Variants in DNAH2 observed in about 807,000 individuals in gnomAD.
The protein encoded by DNAH2 is dynein axonemal heavy chain 2, also known as axonemal beta dynein heavy chain 2.
DNAH2 carries 323 observed loss-of-function variants against 523.5 expected under a neutral mutation model. The observed-to-expected ratio is 0.62, with a 90% confidence interval of 0.56 to 0.68. The LOEUF is 0.68. Ranked by LOEUF, DNAH2 falls within the 30% of genes least tolerant of loss-of-function variation. The pLI, the probability that DNAH2 is intolerant of heterozygous loss-of-function variation, is 0.00. For missense variants in DNAH2, 4,907 were observed against 5,701.5 expected, an observed-to-expected ratio of 0.86 and a Z score of 4.49; for synonymous variants, 2,093 against 2,177.4, an observed-to-expected ratio of 0.96 and a Z score of 1.08.
At chr17:7,767,222 G>A (rs899261988) in intron 22 of DNAH2, among the ~76,000 whole-genome samples, 1 of 152,004 alleles carries the variant, frequency 6.6e-6, no homozygotes, top group African/African-American at 2.4e-5. Flanking sequence ...CTTTCGCTTA[G>A]CATAATGTCT....
At position 7,818,698 on chromosome 17, in the gene DNAH2, A is replaced by G; in HGVS notation, c.10592A>G (p.Glu3531Gly). 6.2e-7 allele frequency: 1 copy of G among 1,614,036 alleles called. No individual in the cohort carries two copies. The highest frequency in any genetic ancestry group is 8.5e-7 in the Non-Finnish European group (1 of 1,180,000). Residue 3531 changes from glutamate (E) to glycine (G), a missense_variant, in exon 70 of 86, where the codon GAG (glutamate) becomes GGG (glycine). Glu to Gly is a moderately conservative substitution (Grantham distance 98). Coordinates refer to ENST00000572933, the MANE Select transcript of DNAH2 (RefSeq NM_020877.5). ...IVVRKERPEL[E>G]EQKDSLVINI... ...GTGCGGAAGGAGCGGCCTGAGCTGG[A>G]GGAGCAGAAGGACTCACTGGTCATC...
In DNAH2 at chr17:7,818,907, G is replaced by A. The variant is rs1218078345; in HGVS notation, c.10671-12G>A. 3 of 1,609,914 alleles carry A rather than the reference G, an allele frequency of 1.9e-6. No homozygotes were observed. The highest frequency in any genetic ancestry group is 1.3e-5 in the African/African-American group (1 of 74,826). ...AACCCCTTGCTCCATGTGCCTCTGG[G>A]CCTCCCCCTAGGCTGCTGAATGAGG... is the stretch of plus-strand genomic sequence containing the variant. On this transcript the variant is annotated splice_polypyrimidine_tract_variant and intron_variant, in intron 70 of 85. Coordinates refer to ENST00000572933, the MANE Select transcript of DNAH2 (RefSeq NM_020877.5).
intron 39 of DNAH2, among the ~76,000 whole-genome samples, chr17:7,784,317 A>T (rs2076678517): frequency 6.6e-6 from 1 of 152,212 alleles, no homozygotes; most frequent in Admixed American, 6.5e-5. Context: ...AAATCAGGAT[A>T]TAGAAGATTT....
intron 9 of DNAH2, 137 bp downstream of exon 9, chr17:7,740,075 G>GC: frequency 2.1e-6 from 1 of 481,900 alleles, no homozygotes. Flanking sequence ...CCGGGGGGGG[G>GC]GACAGGAGAG....
intron 18 of DNAH2, among the ~76,000 whole-genome samples, chr17:7,762,439 C>G (rs1213215597): frequency 1.3e-5 from 2 of 150,778 alleles, no homozygotes; most frequent in African/African-American, 4.9e-5. Flanking sequence ...GGATTCATGC[C>G]ATTCTCCTGC....
At chr17:7,738,241 C>A in intron 8 of DNAH2, 1 of 618,782 alleles carries the variant, frequency 1.6e-6, no homozygotes, top group Admixed American at 2.4e-5. Context: ...TTCCGAGACC[C>A]AGGAGTTTCT....
intron 3 of DNAH2, among the ~76,000 whole-genome samples, chr17:7,724,792 G>A (rs569622744): frequency 2.0e-5 from 3 of 147,642 alleles, no homozygotes; most frequent in East Asian, 4.2e-4. Flanking sequence ...GAGCAGGCTG[G>A]AGTGCAGTGG....
At chr17:7,736,846 G>T (rs889407410) in intron 7 of DNAH2, among the ~76,000 whole-genome samples, 1 of 152,196 alleles carries the variant, frequency 6.6e-6, no homozygotes. Context: ...GCTGGGCGTT[G>T]TGGTGGGCAC....
At chr17:7,733,471 T>C (rs987442868) in intron 5 of DNAH2, among the ~76,000 whole-genome samples, 156 bp downstream of exon 5, 7 of 149,614 alleles carry the variant, frequency 4.7e-5, no homozygotes, top group Admixed American at 2.0e-4. Context: ...TCCGCCTTCT[T>C]CTTCTTTTTT....
chr17:7,736,803 G>A (rs762891581), intron 7 of DNAH2, among the ~76,000 whole-genome samples: 1 of 152,104 alleles, frequency 6.6e-6, no homozygotes, highest in Non-Finnish European at 1.5e-5. Flanking sequence ...CCAACATGGT[G>A]AAACCCCATC....
chr17:7,821,276 A>G lies in DNAH2; in HGVS notation c.11049A>G (p.Lys3683=), dbSNP rs2077846275. 6.2e-7 allele frequency: 1 copy of G among 1,613,640 alleles called. No homozygotes were observed. The highest frequency in any genetic ancestry group is 8.5e-7 in the Non-Finnish European group (1 of 1,179,782). ...YTCRTLFERH[K]LLFSFHMCAK... ...GCCGTACCCTTTTCGAACGCCACAA[A>G]CTACTATTCAGTTTTCATATGTGTG... Residue 3683 remains lysine, a synonymous_variant, in exon 73 of 86, where the codon AAA becomes AAG. Transcript: ENST00000572933. The surrounding 1 kb of genome is among the most constrained non-coding windows in gnomAD (Gnocchi z 5.0).
intron 77 of DNAH2, among the ~76,000 whole-genome samples, chr17:7,827,983 G>A (rs966805046): frequency 6.6e-6 from 1 of 151,684 alleles, no homozygotes; most frequent in Non-Finnish European, 1.5e-5. Flanking sequence ...GGCCCAGACT[G>A]GAGTGCACTG....
At chr17:7,790,618 T>G (rs1423904810) in intron 44 of DNAH2, among the ~76,000 whole-genome samples, 10 of 152,248 alleles carry the variant, frequency 6.6e-5, no homozygotes, top group African/African-American at 2.4e-4. Flanking sequence ...AAGTCCTTTT[T>G]GTTCCCCTCT....
At chr17:7,735,051 T>A (rs2075101659) in intron 7 of DNAH2, among the ~76,000 whole-genome samples, 1 of 152,126 alleles carries the variant, frequency 6.6e-6, no homozygotes, top group Non-Finnish European at 1.5e-5. Flanking sequence ...ACAAGATAAA[T>A]ACCTTTTTTC....
Position 7,831,132 on chromosome 17 carries a change from G to A in DNAH2, c.12277G>A (p.Ala4093Thr), listed in dbSNP as rs533020242. 7 of 1,614,036 alleles carry A rather than the reference G, an allele frequency of 4.3e-6. No individual in the cohort carries two copies. The highest frequency in any genetic ancestry group is 1.3e-5 in the African/African-American group (1 of 75,032). Reference protein sequence around the residue: ...TYFIPKDGSLASYKEYISLLP... With the variant: ...TYFIPKDGSLTSYKEYISLLP... ...TTTCATCCCCAAGGATGGCAGCCTC[G>A]CTTCTTACAAGGAATACATCAGCTT... The change falls in exon 80 of 86, where the codon GCT becomes ACT. Residue 4093 changes from alanine (A) to threonine (T), a missense_variant. Transcript: ENST00000572933. The surrounding 1 kb of genome is among the most constrained non-coding windows in gnomAD (Gnocchi z 4.2).
At chr17:7,783,460 G>A (rs907185525) in intron 39 of DNAH2, among the ~76,000 whole-genome samples, 11 of 152,082 alleles carry the variant, frequency 7.2e-5, no homozygotes, top group African/African-American at 2.4e-4. Flanking sequence ...TTGGAATTGA[G>A]TTAGAGATAA....
At chr17:7,793,315 C>T (rs1216260400) in intron 48 of DNAH2, 110 bp downstream of exon 48, 1 of 1,123,206 alleles carries the variant, frequency 8.9e-7, no homozygotes, top group Non-Finnish European at 1.2e-6. Context: ...GATTCCTTCC[C>T]ACACAGGAGC....
At chr17:7,748,022 T>C (rs556096563) in intron 12 of DNAH2, among the ~76,000 whole-genome samples, 108 of 152,380 alleles carry the variant, frequency 7.1e-4, no homozygotes, top group Middle Eastern at 6.8e-3. Flanking sequence ...AATGTTCTGA[T>C]GTTCCTCGGA....
chr17:7,814,307 ATATGT>A (rs1247628527), intron 63 of DNAH2, among the ~76,000 whole-genome samples: 1 of 152,036 alleles, frequency 6.6e-6, no homozygotes, highest in Non-Finnish European at 1.5e-5. Context: ...ACTTTTAAAG[ATATGT>A]TATAAAGTAT....
Sources: allele counts gnomAD v4.1 joint callset (sites outside exome capture counted in the v4.1 genomes callset), GRCh38; gene constraint gnomAD v4.1.1; non-coding constraint Gnocchi (gnomAD v3.1); transcripts MANE v1.5; gene names NCBI Gene and HGNC (gene_info 2026-07-23, HGNC 2026-07-21).